Variants in CETP observed in about 807,000 individuals in gnomAD.
CETP encodes cholesteryl ester transfer protein, also known as BPI fold containing family F.
Under a neutral mutation model 66.5 loss-of-function variants are expected in CETP, and 56 were observed. That is an observed-to-expected ratio of 0.84 (90% CI 0.68 to 1.05). CETP has a LOEUF of 1.05. CETP is among the 50% of genes least tolerant of loss of function. The pLI is 0.00. For missense variants in CETP, 612 were observed against 609.6 expected (o/e 1.00, Z -0.04); for synonymous variants, 251 against 245.7 (o/e 1.02, Z -0.20).
chr16:56,971,062 A>C lies in CETP; in HGVS notation c.557A>C (p.Asn186Thr). Residue 186 changes from asparagine to threonine, a missense_variant, in exon 6 of 16, where the codon AAT becomes ACT. Transcript: ENST00000200676. ...GGGTGGATCAAGCAGCTGTTCACAA[A>C]TTTCATCTCCTTCACCCTGAAGCTG... is the stretch of plus-strand genomic sequence containing the variant. ...EPGWIKQLFT[N>T]FISFTLKLVL... 1 of 1,614,042 alleles carries C rather than the reference A, an allele frequency of 6.2e-7. No homozygotes were observed. The highest frequency in any genetic ancestry group is 8.5e-7 in the Non-Finnish European group (1 of 1,180,008).
chr16:56,969,890 A>G (rs2056096681), intron 4 of CETP, 24 bp from the exon 5 acceptor site: 1 of 1,611,946 alleles, frequency 6.2e-7, no homozygotes, highest in Non-Finnish European at 8.5e-7. Context: ...GGCTGCCCTG[A>G]GGTCATGTCG....
At position 56,983,735 on chromosome 16, in the gene CETP, G is replaced by A. The variant is rs565294824; in HGVS notation, c.*69G>A. The A allele has an allele frequency of 7.0e-7, 1 of 1,438,782 alleles. No homozygotes were observed. Among genetic ancestry groups the A allele is most frequent in the Non-Finnish European group, 9.8e-7 (1 of 1,020,476 alleles). The allele number at this position is 1,438,782 out of a possible 1,614,324, so 89.1% of individuals were successfully genotyped here. A position where few individuals can be genotyped will look rare whatever the true frequency, so the allele number is the denominator to read the frequency against. On this transcript the variant is annotated 3_prime_UTR_variant, in exon 16 of 16. Transcript: ENST00000200676. Reference sequence around the variant, plus strand: ...GCACCAGGCTCACAGCTGGAACCCTGGTGTCTCCTCCAGCGTGGTGGAAGT... The same window carrying A: ...GCACCAGGCTCACAGCTGGAACCCTAGTGTCTCCTCCAGCGTGGTGGAAGT...
rs749051993 is a variant in CETP, at chr16:56,978,292, C to T, written c.1146+37C>T. ...GCAGGGAGAGGTGGTGGTGGGGGAA[C>T]CTGACTCACATATGGGCCGCAGAGG... On this transcript the variant is annotated intron_variant, in intron 11 of 15. Transcript: ENST00000200676. The T allele has an allele frequency of 3.7e-6, 6 of 1,613,176 alleles. No individual in the cohort carries two copies. The Admixed American group carries it at 1.0e-4, about 27-fold the overall frequency.
At chr16:56,980,320 C>T (rs1401859955) in intron 11 of CETP, among the ~76,000 whole-genome samples, 4 of 152,086 alleles carry the variant, frequency 2.6e-5, no homozygotes, top group East Asian at 1.9e-4. Context: ...CTCAGCTTCT[C>T]GACTAGAGAT....
chr16:56,964,430 G>A (rs1200673314), intron 2 of CETP, among the ~76,000 whole-genome samples: 1 of 152,178 alleles, frequency 6.6e-6, no homozygotes, highest in African/African-American at 2.4e-5. Context: ...GCCGATAGAG[G>A]TTTAGCAGCC....
At chr16:56,983,433 C>A in intron 15 of CETP, 22 bp downstream of exon 15, 1 of 1,612,416 alleles carries the variant, frequency 6.2e-7, no homozygotes. Context: ...GCCCCCCTCA[C>A]CAGCCCCTGT....
At chr16:56,983,483 TG>T in intron 15 of CETP, 72 bp downstream of exon 15, 4 of 1,594,130 alleles carry the variant, frequency 2.5e-6, no homozygotes, top group Admixed American at 3.3e-5. Flanking sequence ...CTGGGGTGAC[TG>T]GGGGCTGTTG....
chr16:56,974,690 A>T (rs530288258), intron 9 of CETP, among the ~76,000 whole-genome samples: 12 of 152,370 alleles, frequency 7.9e-5, no homozygotes, highest in Admixed American at 5.2e-4. Flanking sequence ...AAACAAAAAA[A>T]CCACAAAGCT....
At chr16:56,972,997 G>A (rs2056123415) in intron 8 of CETP, among the ~76,000 whole-genome samples, 1 of 152,152 alleles carries the variant, frequency 6.6e-6, no homozygotes, top group African/African-American at 2.4e-5. Context: ...CCCTCTGCAG[G>A]GGCAGGGCTG....
intron 2 of CETP, 65 bp downstream of exon 2, chr16:56,963,189 G>GC: frequency 2.3e-6 from 3 of 1,325,532 alleles, no homozygotes; most frequent in Middle Eastern, 1.8e-4. Context: ...CCTGGGGCTT[G>GC]CCCCCAGCCC....
In CETP at chr16:56,983,211, T is replaced by C; in HGVS notation, c.1322-115T>C. On this transcript the variant is annotated intron_variant, in intron 14 of 15. Transcript: ENST00000200676. The stretch of plus-strand genomic sequence containing the variant: ...TGCTAAATCAAAGTGAAACGCATGT[T>C]TACAGAATATTGGTCCAAAAGGGTC... 7.3e-6 allele frequency: 6 copies of C among 820,182 alleles called. No homozygotes were observed. The Middle Eastern group carries it at 8.8e-4, about 121-fold the overall frequency. 50.8% of individuals were successfully genotyped at this position (820,182 alleles called of 1,614,324 possible).
chr16:56,963,497 G>A (rs767411450), intron 2 of CETP, among the ~76,000 whole-genome samples: 2 of 152,084 alleles, frequency 1.3e-5, no homozygotes, highest in African/African-American at 2.4e-5. Context: ...GTACAGACAG[G>A]TCTTGCTATG....
At chr16:56,981,085 C>T in intron 11 of CETP, 73 bp from the exon 12 acceptor site, 2 of 1,082,206 alleles carry the variant, frequency 1.8e-6, no homozygotes, top group Admixed American at 1.7e-5. Context: ...GAATCAGGGG[C>T]CCTGAGCTAG....
intron 11 of CETP, among the ~76,000 whole-genome samples, chr16:56,979,027 A>G (rs1336625866): frequency 6.6e-6 from 1 of 151,904 alleles, no homozygotes; most frequent in African/African-American, 2.4e-5. Context: ...GGGTTTCGCT[A>G]TGTGGGCCCA....
intron 3 of CETP, 29 bp from the exon 4 acceptor site, chr16:56,969,582 G>A: frequency 6.2e-7 from 1 of 1,614,240 alleles, no homozygotes. Context: ...AGGGCTGAAT[G>A]AGGGTCCTGG....
At chr16:56,982,558 A>T (rs990714279) in intron 14 of CETP, among the ~76,000 whole-genome samples, 2 of 152,226 alleles carry the variant, frequency 1.3e-5, no homozygotes, top group African/African-American at 4.8e-5. Flanking sequence ...TCTGAGACCT[A>T]GTTCTAGCCC....
Position 56,971,021 on chromosome 16 carries a change from T to C in CETP, c.528-12T>C. On this transcript the variant is annotated splice_polypyrimidine_tract_variant and intron_variant, in intron 5 of 15. Transcript: ENST00000200676. ...CTGGTCAGGGGCTCATTGTGGTGCT[T>C]GCTGCCTTCAGGCCTGGGTGGATCA... is the stretch of plus-strand genomic sequence containing the variant. The C allele has an allele frequency of 6.2e-7, 1 of 1,614,088 alleles. No individual in the cohort carries two copies. Among genetic ancestry groups the C allele is most frequent in the South Asian group, 1.1e-5 (1 of 91,086 alleles).
At chr16:56,969,195 G>A (rs1295015231) in intron 2 of CETP, among the ~76,000 whole-genome samples, 191 bp from the exon 3 acceptor site, 3 of 152,018 alleles carry the variant, frequency 2.0e-5, no homozygotes, top group Admixed American at 6.6e-5. Flanking sequence ...CTTTCATATG[G>A]GTAACACGAG....
chr16:56,973,237 G>A (rs2056125555), intron 8 of CETP, 94 bp from the exon 9 acceptor site: 2 of 1,341,440 alleles, frequency 1.5e-6, no homozygotes, highest in African/African-American at 2.9e-5. Context: ...CTGCACTCTG[G>A]GCTGAATGCT....
Sources: gnomAD v4.1 joint callset for allele counts (sites outside exome capture counted in the v4.1 genomes callset) on GRCh38, gnomAD v4.1.1 for gene constraint, MANE v1.5 for transcripts, NCBI Gene and HGNC (gene_info 2026-07-23, HGNC 2026-07-21) for gene names.